The following VDAC2 variants were observed in gnomAD, a reference collection of about 807,000 sequenced individuals.
The protein encoded by VDAC2 is non-selective voltage-gated ion channel VDAC2.
Under a neutral mutation model 36.6 loss-of-function variants are expected in VDAC2, and 6 were observed. The observed-to-expected ratio is 0.16, with a 90% CI of 0.09 to 0.32. VDAC2 has a LOEUF of 0.32. Ranked by LOEUF, VDAC2 falls within the 10% of genes least tolerant of loss-of-function variation. The probability of loss-of-function intolerance (pLI) is 1.00; values close to 1 mark genes in which losing one functional copy is unlikely to be tolerated. For synonymous variants in VDAC2, 109 were observed against 123.8 expected, an observed-to-expected ratio of 0.88 and a Z score of 0.79; for missense variants, 247 against 346.0, an observed-to-expected ratio of 0.71 and a Z score of 2.27.
At chr10:75,223,059 C>T (rs1841862616) in intron 8 of VDAC2, among the ~76,000 whole-genome samples, 1 of 151,270 alleles carries the variant, frequency 6.6e-6, no homozygotes, top group African/African-American at 2.4e-5. Flanking sequence ...TGGCTCACTG[C>T]AACCTCCGCC....
intron 8 of VDAC2, among the ~76,000 whole-genome samples, chr10:75,229,123 T>G (rs977380369): frequency 6.6e-6 from 1 of 152,174 alleles, no homozygotes; most frequent in Non-Finnish European, 1.5e-5. Flanking sequence ...AAGGATTGTT[T>G]GATCTGATTC....
Position 75,227,669 on chromosome 10 carries a change from C to T in VDAC2, c.736-1975C>T, listed in dbSNP as rs141927998. On this transcript the variant is annotated intron_variant, in intron 8 of 9. Coordinates refer to ENST00000332211, the MANE Select transcript of VDAC2 (RefSeq NM_001391963.1). ...CGATCTCTGCTCTGCTCACTGCAAC[C>T]TCTGCCACCCGGATTCAAGTGATTC... Among the ~76,000 whole-genome samples the T allele has an allele frequency of 8.2e-3, 1,190 of 145,156 alleles. 16 individuals are homozygous for T. Among genetic ancestry groups the T allele is most frequent in the African/African-American group, 0.028 (1,066 of 38,102 alleles).
At chr10:75,210,367 G>A (rs1841358639), upstream of VDAC2, among the ~76,000 whole-genome samples, 1 of 152,220 alleles carries the variant, frequency 6.6e-6, no homozygotes, top group South Asian at 2.1e-4. Context: ...ACTCCCCGCA[G>A]GCACCCTATG....
At chr10:75,220,527 T>G (rs1250318893) in intron 6 of VDAC2, among the ~76,000 whole-genome samples, 1 of 148,186 alleles carries the variant, frequency 6.7e-6, no homozygotes, top group African/African-American at 2.6e-5. Flanking sequence ...TGTGACTGAT[T>G]GTTTGTTCTG....
intron 4 of VDAC2, among the ~76,000 whole-genome samples, chr10:75,215,229 T>C (rs1841561647): frequency 6.6e-6 from 1 of 151,982 alleles, no homozygotes; most frequent in Non-Finnish European, 1.5e-5. Context: ...AATTTAACTT[T>C]GTGAAATTTT....
rs1363077072 is a variant in VDAC2 at position 75,211,199 on chromosome 10, G to C, written c.31+10G>C. 2 of 1,612,946 alleles carry C rather than the reference G, an allele frequency of 1.2e-6. No homozygotes were observed. Among genetic ancestry groups the C allele is most frequent in the Non-Finnish European group, 1.7e-6 (2 of 1,179,542 alleles). On this transcript the variant is annotated intron_variant, in intron 2 of 9. Coordinates refer to ENST00000332211, the MANE Select transcript of VDAC2 (RefSeq NM_001391963.1). ...CAGACTTGCGCGCGTCGTAAGTAAA[G>C]CTGGGATCTCTGCGGGATGGGGCGG...
At position 75,214,054 on chromosome 10, in the gene VDAC2, A is replaced by G; in HGVS notation, c.134A>G (p.Lys45Arg). 1 of 1,613,306 alleles carries G rather than the reference A, an allele frequency of 6.2e-7. No individual in the cohort carries two copies. Among genetic ancestry groups the G allele is most frequent in the Non-Finnish European group, 8.5e-7 (1 of 1,179,506 alleles). The change falls in exon 4 of 10, where the codon AAG (lysine) becomes AGG (arginine). Residue 45 changes from lysine (K) to arginine (R), a missense_variant. By Grantham distance (26) the Lys-to-Arg change is conservative. This residue lies in a region of VDAC2 where 76 missense variants were observed against 76.9 expected (regional missense o/e 0.99). Coordinates refer to ENST00000332211, the MANE Select transcript of VDAC2 (RefSeq NM_001391963.1). ...FGLVKLDVKTKSCSGVEFSTS... is the reference protein window; with the variant it reads ...FGLVKLDVKTRSCSGVEFSTS... ...TTGGTGAAACTGGATGTGAAAACAA[A>G]GTCTTGCAGTGGCGTGGTGAGTGTT...
intron 8 of VDAC2, among the ~76,000 whole-genome samples, chr10:75,227,185 A>G (rs904034940): frequency 6.6e-6 from 1 of 152,178 alleles, no homozygotes; most frequent in African/African-American, 2.4e-5. Flanking sequence ...AAAATATCCT[A>G]TATAACTGGT....
At chr10:75,214,726 T>C (rs1208713131) in intron 4 of VDAC2, among the ~76,000 whole-genome samples, 2 of 152,218 alleles carry the variant, frequency 1.3e-5, no homozygotes, top group Non-Finnish European at 2.9e-5. Flanking sequence ...GGTTTCACCA[T>C]GTTGGCCAGG....
At chr10:75,213,755 A>AT (rs201495540) in intron 3 of VDAC2, among the ~76,000 whole-genome samples, 2,711 of 152,264 alleles carry the variant, frequency 0.018, 85 homozygotes, top group African/African-American at 0.061. Context: ...AAATAAATAA[A>AT]TAAATAAATA....
At chr10:75,213,953 T>C (rs1841516645) in intron 3 of VDAC2, 68 bp from the exon 4 acceptor site, 8 of 1,503,356 alleles carry the variant, frequency 5.3e-6, no homozygotes, top group African/African-American at 1.4e-5. Flanking sequence ...TTATGTATAG[T>C]CAACAATTGC....
chr10:75,221,242 C>T (rs1841804517), intron 7 of VDAC2, among the ~76,000 whole-genome samples: 1 of 152,162 alleles, frequency 6.6e-6, no homozygotes, highest in Non-Finnish European at 1.5e-5. Context: ...CAGACTGCTA[C>T]CAGTACATTC....
intron 6 of VDAC2, among the ~76,000 whole-genome samples, chr10:75,219,805 T>G (rs1006660539): frequency 4.7e-5 from 7 of 148,836 alleles, no homozygotes; most frequent in Non-Finnish European, 1.0e-4. Context: ...TTTCCATATT[T>G]TATTTTATTG....
Position 75,222,385 on chromosome 10 carries a change from C to T in VDAC2, c.718C>T (p.Pro240Ser), listed in dbSNP as rs757872488. 6.2e-7 allele frequency: 1 copy of T among 1,613,968 alleles called. No individual in the cohort carries two copies. The highest frequency in any genetic ancestry group is 8.5e-7 in the Non-Finnish European group (1 of 1,180,020). The change falls in exon 8 of 10, where the codon CCC becomes TCC. Residue 240 changes from proline (P) to serine (S), a missense_variant. Pro to Ser is a moderately conservative substitution (Grantham distance 74). Coordinates refer to ENST00000332211, the MANE Select transcript of VDAC2 (RefSeq NM_001391963.1). The stretch of plus-strand genomic sequence containing the variant: ...CATTGCAGCTAAATATCAGTTGGAT[C>T]CCACTGCTTCCATTTCTGTGAGTAC... ...FGIAAKYQLD[P>S]TASISAKVNN...
chr10:75,224,639 C>T (rs1170549714), intron 8 of VDAC2, among the ~76,000 whole-genome samples: 2 of 152,100 alleles, frequency 1.3e-5, no homozygotes, highest in Non-Finnish European at 2.9e-5. Flanking sequence ...AATATACAAT[C>T]CCTTGATTAT....
rs542403225 is a variant in VDAC2 at position 75,211,533 on chromosome 10, G to T, written c.31+344G>T. 36 of 1,548,818 alleles carry T rather than the reference G, an allele frequency of 2.3e-5. No individual in the cohort carries two copies. The African/African-American group carries it at 4.0e-4, about 17-fold the overall frequency. On this transcript the variant is annotated intron_variant, in intron 2 of 9. Coordinates refer to ENST00000332211, the MANE Select transcript of VDAC2 (RefSeq NM_001391963.1). ...AAGTAGCAGTCCCTCTTGTGAGAGC[G>T]CAAGGTCATTACTTGTGCTCCTAAG...
chr10:75,222,457 G>A (rs1841841270), intron 8 of VDAC2, 55 bp downstream of exon 8: 1 of 1,595,124 alleles, frequency 6.3e-7, no homozygotes, highest in Non-Finnish European at 8.6e-7. Context: ...ATGAGTCTTT[G>A]GGTATACTGA....
At position 75,212,777 on chromosome 10, in the gene VDAC2, C is replaced by G. The variant is rs186451674; in HGVS notation, c.100+479C>G. 7.0e-3 allele frequency among the ~76,000 whole-genome samples: 1,068 copies of G among 152,284 alleles called. 9 individuals are homozygous for G. Among genetic ancestry groups the G allele is most frequent in the African/African-American group, 0.023 (976 of 41,548 alleles). On this transcript the variant is annotated intron_variant, in intron 3 of 9. Coordinates refer to ENST00000332211, the MANE Select transcript of VDAC2 (RefSeq NM_001391963.1). Reference sequence around the variant, plus strand: ...TAGTTCTTTTACAGTCTACATCCCCCTCCCCCAATTTCCCAAAATTTTTAA... The same window carrying G: ...TAGTTCTTTTACAGTCTACATCCCCGTCCCCCAATTTCCCAAAATTTTTAA...
chr10:75,229,136 C>T (rs1590016055), intron 8 of VDAC2, among the ~76,000 whole-genome samples: 1 of 151,472 alleles, frequency 6.6e-6, no homozygotes, highest in East Asian at 1.9e-4. Context: ...TCTGATTCTT[C>T]AGAGGAATTA....
Sources: gnomAD v4.1 joint callset for allele counts (sites outside exome capture counted in the v4.1 genomes callset) on GRCh38, gnomAD v4.1.1 for gene constraint, gnomAD v4.1.1 regional missense constraint, MANE v1.5 for transcripts, NCBI Gene and HGNC (gene_info 2026-07-23, HGNC 2026-07-21) for gene names.